TRAF3: variants seen among roughly 807,000 people sequenced by gnomAD.
TRAF3 encodes the protein TNF receptor-associated factor 3.
TRAF3 carries 13 observed loss-of-function variants against 62.3 expected under a neutral mutation model. The ratio of observed to expected loss-of-function variants is 0.21; its 90% CI spans 0.14 to 0.33. The LOEUF (loss-of-function observed/expected upper bound fraction) is 0.33. TRAF3 is among the 10% of genes least tolerant of loss of function. The pLI, the probability that TRAF3 is intolerant of heterozygous loss-of-function variation, is 1.00. For synonymous variants in TRAF3, 269 were observed against 283.4 expected (o/e 0.95, Z 0.51); for missense variants, 440 against 741.8 (o/e 0.59, Z 4.73).
intron 1 of TRAF3, among the ~76,000 whole-genome samples, chr14:102,797,329 A>G (rs1302906365): frequency 6.6e-6 from 1 of 152,174 alleles, no homozygotes; most frequent in African/African-American, 2.4e-5. Context: ...TAGAGTCCCC[A>G]ATTCTATATA....
At chr14:102,842,372 C>T (rs1886427562) in intron 2 of TRAF3, among the ~76,000 whole-genome samples, 1 of 150,572 alleles carries the variant, frequency 6.6e-6, no homozygotes, top group South Asian at 2.1e-4. Flanking sequence ...AGAGGGATCA[C>T]AACAGGTTAT....
intron 1 of TRAF3, among the ~76,000 whole-genome samples, 186 bp downstream of exon 1, chr14:102,777,861 G>A (rs920212848): frequency 6.8e-5 from 10 of 147,504 alleles, no homozygotes; most frequent in Non-Finnish European, 1.2e-4. Flanking sequence ...GCCTGGCCCC[G>A]CGCCCCAGCC....
chr14:102,875,714 C>CCA lies in TRAF3; in HGVS notation c.388_389insCA (p.Leu130ProfsTer9). The CCA allele has an allele frequency of 6.2e-7, 1 of 1,613,826 alleles. No individual in the cohort carries two copies. Among genetic ancestry groups the CCA allele is most frequent in the African/African-American group, 1.3e-5 (1 of 75,012 alleles). On this transcript the variant is annotated frameshift_variant, in exon 5 of 12. Coordinates refer to ENST00000392745, the MANE Select transcript of TRAF3 (RefSeq NM_145725.3). LOFTEE classifies it high-confidence loss of function. The stretch of plus-strand genomic sequence containing the variant: ...CAGAGGTTGTGCAGAGCAGTTAATG[C>CCA]TGGGACATCTGCTGGTGAGTAGCAA...
rs1299174131 is a variant in TRAF3 at position 102,831,811 on chromosome 14, A to G, written c.-18+1339A>G. On this transcript the variant is annotated intron_variant, in intron 2 of 11. Coordinates refer to ENST00000392745, the MANE Select transcript of TRAF3 (RefSeq NM_145725.3). ...GTGCTGGGCAGTTTTATCATTCATC[A>G]TCATGGGTAGTTTGGTTTATTACAA... 2.0e-5 allele frequency among the ~76,000 whole-genome samples: 3 copies of G among 152,106 alleles called. 1 individual carries two copies. The East Asian group carries it at 5.8e-4, about 29-fold the overall frequency.
intron 2 of TRAF3, among the ~76,000 whole-genome samples, chr14:102,838,849 A>G (rs2139667892): frequency 6.6e-6 from 1 of 152,300 alleles, no homozygotes; most frequent in Admixed American, 6.5e-5. Flanking sequence ...ATTGAATTCC[A>G]TGAGTTCTAG....
chr14:102,892,491 G>T (rs1385088160), intron 9 of TRAF3, among the ~76,000 whole-genome samples: 1 of 152,232 alleles, frequency 6.6e-6, no homozygotes, highest in Non-Finnish European at 1.5e-5. Flanking sequence ...TTCATGAGAA[G>T]ATGAAAACCT....
rs1462400892 is a variant in TRAF3 at position 102,910,175 on chromosome 14, C to T, written c.*4391C>T. 1 of 152,218 alleles carries T rather than the reference C, an allele frequency of 6.6e-6. No homozygotes were observed. Among genetic ancestry groups the T allele is most frequent in the East Asian group, 1.9e-4 (1 of 5,186 alleles). 9.4% of individuals were successfully genotyped at this position (152,218 alleles called of 1,614,324 possible). A position where few individuals can be genotyped will look rare whatever the true frequency, so the allele number is the denominator to read the frequency against. On this transcript the variant is annotated 3_prime_UTR_variant, in exon 12 of 12. Coordinates refer to ENST00000392745, the MANE Select transcript of TRAF3 (RefSeq NM_145725.3). ...CCCCTTGCGGGCCCCTTGCTCAATC[C>T]CCGGCCCTCCCAGACTCCTCCCTCT... is the stretch of plus-strand genomic sequence containing the variant.
intron 1 of TRAF3, among the ~76,000 whole-genome samples, chr14:102,788,398 G>A (rs778581743): frequency 1.3e-5 from 2 of 152,112 alleles, no homozygotes; most frequent in East Asian, 1.9e-4. Context: ...ATGGTAGCCC[G>A]CACCTGTAAT....
At chr14:102,800,447 C>T (rs995875941) in intron 1 of TRAF3, among the ~76,000 whole-genome samples, 6 of 152,200 alleles carry the variant, frequency 3.9e-5, no homozygotes, top group African/African-American at 4.8e-5. Context: ...GCTGCATGAA[C>T]TTGACCAAGT....
intron 1 of TRAF3, among the ~76,000 whole-genome samples, chr14:102,812,674 C>A (rs1899258992): frequency 6.6e-6 from 1 of 152,042 alleles, no homozygotes; most frequent in East Asian, 1.9e-4. Flanking sequence ...AATCCCAGCA[C>A]TTTGGGAGGC....
intron 1 of TRAF3, among the ~76,000 whole-genome samples, chr14:102,820,606 ATATATATATTTTTTTTTTTTTTTTTT>A (rs1436683155): frequency 7.6e-5 from 1 of 13,090 alleles, no homozygotes; most frequent in African/African-American, 8.3e-4. Context: ...ATATATATAT[ATATATATATTTTTTTTTTTTTTTTTT>A]TTTTTTTTTT....
chr14:102,820,788 C>T (rs1219641424), intron 1 of TRAF3, among the ~76,000 whole-genome samples: 1 of 150,458 alleles, frequency 6.6e-6, no homozygotes, highest in African/African-American at 2.5e-5. Flanking sequence ...CACCACCACA[C>T]TTGGCTAAGT....
chr14:102,869,198 A>T (rs1340730976), intron 2 of TRAF3, among the ~76,000 whole-genome samples: 1 of 152,228 alleles, frequency 6.6e-6, no homozygotes, highest in African/African-American at 2.4e-5. Context: ...TGTGCACAGC[A>T]TGCTGGGTCA....
intron 2 of TRAF3, among the ~76,000 whole-genome samples, chr14:102,856,769 G>A (rs1384868083): frequency 6.6e-6 from 1 of 152,088 alleles, no homozygotes; most frequent in Non-Finnish European, 1.5e-5. Flanking sequence ...CAGTCGTAGA[G>A]GGACAAAGAT....
intron 11 of TRAF3, among the ~76,000 whole-genome samples, chr14:102,904,188 G>A (rs1001227807): frequency 6.6e-6 from 1 of 152,198 alleles, no homozygotes; most frequent in African/African-American, 2.4e-5. Flanking sequence ...CAGGTCAACC[G>A]CCCAGGACAT....
chr14:102,808,512 C>CAAAAAAAAAAAA, intron 1 of TRAF3, among the ~76,000 whole-genome samples: 1 of 134,208 alleles, frequency 7.5e-6, no homozygotes, highest in South Asian at 2.4e-4. Context: ...GACTCCATCT[C>CAAAAAAAAAAAA]AAAAAAAAAA....
At chr14:102,855,350 A>G (rs1887299501) in intron 2 of TRAF3, among the ~76,000 whole-genome samples, 1 of 152,058 alleles carries the variant, frequency 6.6e-6, no homozygotes, top group Admixed American at 6.6e-5. Context: ...TGTACCTAAG[A>G]GTGGAATTGC....
At chr14:102,871,799 G>T (rs372034815) in intron 3 of TRAF3, 118 bp from the exon 4 acceptor site, 2 of 888,396 alleles carry the variant, frequency 2.3e-6, no homozygotes. Flanking sequence ...CTGAAGCTCT[G>T]CTGGTTGCTG....
intron 2 of TRAF3, among the ~76,000 whole-genome samples, chr14:102,835,028 A>G (rs555758322): frequency 1.3e-5 from 2 of 152,338 alleles, no homozygotes; most frequent in East Asian, 1.9e-4. Context: ...TCCAGCATCT[A>G]TAAGGAACTT....
Sources: gnomAD v4.1 joint callset for allele counts (sites outside exome capture counted in the v4.1 genomes callset) on GRCh38, gnomAD v4.1.1 for gene constraint, MANE v1.5 for transcripts, NCBI Gene and HGNC (gene_info 2026-07-23, HGNC 2026-07-21) for gene names.